The following MED25 variants were observed in gnomAD, a reference collection of about 807,000 sequenced individuals.
MED25 encodes the protein mediator of RNA polymerase II transcription subunit 25.
In MED25, 62 loss-of-function variants were observed where a neutral mutation model predicts 89.4. The ratio of observed to expected loss-of-function variants is 0.69; its 90% CI spans 0.57 to 0.86. The LOEUF (loss-of-function observed/expected upper bound fraction) is 0.86, where lower values mean the gene tolerates loss of function less well. MED25 is among the 40% of genes least tolerant of loss of function. The probability of loss-of-function intolerance (pLI) is 0.00; values close to 1 mark genes in which losing one functional copy is unlikely to be tolerated. For missense variants in MED25, 905 were observed against 1,005.2 expected (o/e 0.90, Z 1.35); for synonymous variants, 449 against 427.9 (o/e 1.05, Z -0.61).
Position 49,834,018 on chromosome 19 carries a change from A to C in MED25, c.1483-968A>C, listed in dbSNP as rs2074078131. 6.6e-6 allele frequency: 1 copy of C among 152,248 alleles called. No homozygotes were observed. The highest frequency in any genetic ancestry group is 2.1e-4 in the South Asian group (1 of 4,834). The allele number at this position is 152,248 out of a possible 1,614,324, so 9.4% of individuals were successfully genotyped here. ...TTCTCTTGGCCTCTCCTTTATAGTC[A>C]CAAGGTAGCTCTCATGGCTCCACGC... is the stretch of plus-strand genomic sequence containing the variant. On this transcript the variant is annotated intron_variant, in intron 13 of 17. Transcript: ENST00000312865. The surrounding 1 kb of genome is among the most constrained non-coding windows in gnomAD (Gnocchi z 4.1).
intron 3 of MED25, among the ~76,000 whole-genome samples, chr19:49,823,571 G>A (rs918853629): frequency 6.6e-6 from 1 of 152,182 alleles, no homozygotes; most frequent in African/African-American, 2.4e-5. Context: ...GTTGCTTGCT[G>A]TGTGTCGCTT....
rs2074042776 is a variant in MED25, at chr19:49,830,030, C to A, written c.689-58C>A. On this transcript the variant is annotated intron_variant, in intron 6 of 17. Coordinates refer to ENST00000312865, the MANE Select transcript of MED25 (RefSeq NM_030973.4). The surrounding 1 kb of genome is among the most constrained non-coding windows in gnomAD (Gnocchi z 4.6). ...TCTGACTTGGATTTTGGATTTCTCT[C>A]CTTTCTCTGCATCTTGAATCCCTTC... 1 of 1,597,502 alleles carries A rather than the reference C, an allele frequency of 6.3e-7. No individual in the cohort carries two copies. Among genetic ancestry groups the A allele is most frequent in the South Asian group, 1.1e-5 (1 of 90,336 alleles).
In MED25 at chr19:49,818,434, C is replaced by T. The variant is rs61742955; in HGVS notation, c.93C>T (p.Tyr31=). The change falls in exon 1 of 18, where the codon TAC becomes TAT. Residue 31 remains tyrosine (Y), a synonymous_variant. Transcript: ENST00000312865. Reference sequence around the variant, plus strand: ...AGGGTACGGCCAACCTGGGACCCTACTTCGAGGGGCTCCGCAAGCACTACC... The same window carrying T: ...AGGGTACGGCCAACCTGGGACCCTATTTCGAGGGGCTCCGCAAGCACTACC... The part of the protein sequence containing the change: ...VIEGTANLGP[Y]FEGLRKHYLL... 1,182 of 1,614,140 alleles carry T rather than the reference C, an allele frequency of 7.3e-4. 5 individuals are homozygous for T. In the African/African-American group the frequency reaches 0.014, roughly 19 times the overall value.
intron 13 of MED25, 130 bp downstream of exon 13, chr19:49,832,545 T>G (rs1253806564): frequency 1.4e-6 from 1 of 693,274 alleles, no homozygotes; most frequent in Non-Finnish European, 2.6e-6. Flanking sequence ...TTCATGCCCT[T>G]AGGTTCCTCG....
At chr19:49,837,636 G>T (rs937207619), downstream of MED25, among the ~76,000 whole-genome samples, 1 of 152,146 alleles carries the variant, frequency 6.6e-6, no homozygotes, top group African/African-American at 2.4e-5. Flanking sequence ...TCGGGGGCTG[G>T]GGTAGAGGTT....
chr19:49,818,423 C>T lies in MED25; in HGVS notation c.82C>T (p.Leu28=). The change falls in exon 1 of 18, where the codon CTG becomes TTG. Residue 28 remains leucine, a synonymous_variant. Transcript: ENST00000312865. ...GTTTGTGATTGAGGGTACGGCCAAC[C>T]TGGGACCCTACTTCGAGGGGCTCCG... is the stretch of plus-strand genomic sequence containing the variant. ...VVFVIEGTAN[L]GPYFEGLRKH... 1 of 1,614,110 alleles carries T rather than the reference C, an allele frequency of 6.2e-7. No individual in the cohort carries two copies. The highest frequency in any genetic ancestry group is 8.5e-7 in the Non-Finnish European group (1 of 1,180,020).
In MED25 at chr19:49,830,150, G is replaced by A. The variant is rs775622130; in HGVS notation, c.751G>A (p.Ala251Thr). Residue 251 changes from alanine to threonine, a missense_variant, in exon 7 of 18, where the codon GCA (alanine) becomes ACA (threonine). Coordinates refer to ENST00000312865, the MANE Select transcript of MED25 (RefSeq NM_030973.4). The surrounding 1 kb of genome is among the most constrained non-coding windows in gnomAD (Gnocchi z 4.6). ...GCAGCCAGTCCCCCTGCCTCCCGCC[G>A]CACCCTCAGGTGCCACTCTCTCAGC... ...SKQPVPLPPAAPSGATLSAAP... is the reference protein window; with the variant it reads ...SKQPVPLPPATPSGATLSAAP... The A allele has an allele frequency of 4.7e-5, 76 of 1,602,084 alleles. No homozygotes were observed. The highest frequency in any genetic ancestry group is 5.9e-5 in the Non-Finnish European group (69 of 1,171,698).
chr19:49,835,914 A>G lies in MED25; in HGVS notation c.1934A>G (p.Gln645Arg), dbSNP rs1425868838. The G allele has an allele frequency of 1.2e-6, 2 of 1,612,652 alleles. No homozygotes were observed. The highest frequency in any genetic ancestry group is 3.3e-5 in the Admixed American group (2 of 60,004). Residue 645 changes from glutamine to arginine, a missense_variant, in exon 16 of 18, where the codon CAG becomes CGG. Physicochemically the swap from Gln to Arg is conservative, Grantham distance 43. Around this residue, in one of 3 missense-constraint regions of MED25, gnomAD observed 271 missense variants for 258.1 expected, o/e 1.05. Coordinates refer to ENST00000312865, the MANE Select transcript of MED25 (RefSeq NM_030973.4). This position sits in a 1 kb window ranked among gnomAD's most constrained non-coding sequence, Gnocchi z 6.2. ...LRPQNPGANP[Q>R]LRSLLLNPPP... ...CCCCAGAACCCTGGGGCCAACCCTC[A>G]GCTGCGAAGCCTCCTCCTCAACCCA...
intron 3 of MED25, among the ~76,000 whole-genome samples, chr19:49,820,321 C>T (rs745381461): frequency 6.6e-6 from 1 of 152,186 alleles, no homozygotes; most frequent in Non-Finnish European, 1.5e-5. Flanking sequence ...AGCAGGGATA[C>T]AGAGGCAGAA....
At position 49,835,004 on chromosome 19, in the gene MED25, C is replaced by T. The variant is rs2074084894; in HGVS notation, c.1501C>T (p.Pro501Ser). The change falls in exon 14 of 18, where the codon CCC becomes TCC. Residue 501 changes from proline (P) to serine (S), a missense_variant. Pro to Ser is a moderately conservative substitution (Grantham distance 74, BLOSUM62 -1). Coordinates refer to ENST00000312865, the MANE Select transcript of MED25 (RefSeq NM_030973.4). The surrounding 1 kb of genome is among the most constrained non-coding windows in gnomAD (Gnocchi z 6.2). Reference protein sequence around the residue: ...GNGFAGCVHFPHTAPCEVRVL... With the variant: ...GNGFAGCVHFSHTAPCEVRVL... ...CACCCAGGCGGGCTGCGTGCACTTC[C>T]CCCACACGGCGCCCTGTGAGGTGCG... 3 of 1,614,114 alleles carry T rather than the reference C, an allele frequency of 1.9e-6. No homozygotes were observed. The highest frequency in any genetic ancestry group is 2.5e-6 in the Non-Finnish European group (3 of 1,180,014).
chr19:49,828,595 C>T, intron 4 of MED25, 48 bp downstream of exon 4: 1 of 1,455,326 alleles, frequency 6.9e-7, no homozygotes, highest in Non-Finnish European at 9.7e-7. Flanking sequence ...TCTGCCTGGC[C>T]TGGAACCACT....
Position 49,830,956 on chromosome 19 carries a change from T to A in MED25, c.1101+69T>A, listed in dbSNP as rs1391187055. 1 of 1,492,454 alleles carries A rather than the reference T, an allele frequency of 6.7e-7. No individual in the cohort carries two copies. The highest frequency in any genetic ancestry group is 2.2e-5 in the East Asian group (1 of 44,480). The allele number at this position is 1,492,454 out of a possible 1,614,324, so 92.5% of individuals were successfully genotyped here. A position where few individuals can be genotyped will look rare whatever the true frequency, so the allele number is the denominator to read the frequency against. On this transcript the variant is annotated intron_variant, in intron 9 of 17. Coordinates refer to ENST00000312865, the MANE Select transcript of MED25 (RefSeq NM_030973.4). This position sits in a 1 kb window ranked among gnomAD's most constrained non-coding sequence, Gnocchi z 4.6. ...GTCCACAGCTAGGACAGTTAGAGGA[T>A]GAGTCATTTGCCTTCCAGGGGGATG...
chr19:49,828,194 A>G (rs1444237621), intron 3 of MED25, among the ~76,000 whole-genome samples: 1 of 151,460 alleles, frequency 6.6e-6, no homozygotes, highest in African/African-American at 2.4e-5. Context: ...ATGCCACTGC[A>G]TTCCAGCCTG....
chr19:49,818,820 T>A, intron 2 of MED25: 1 of 611,210 alleles, frequency 1.6e-6, no homozygotes, highest in Non-Finnish European at 2.9e-6. Flanking sequence ...CCCGGATTCC[T>A]GGGTCCGAGG....
In MED25 at chr19:49,836,035, G is replaced by C. The variant is rs2074095363; in HGVS notation, c.1965+90G>C. 6.4e-7 allele frequency: 1 copy of C among 1,562,394 alleles called. No individual in the cohort carries two copies. Among genetic ancestry groups the C allele is most frequent in the Non-Finnish European group, 8.7e-7 (1 of 1,155,388 alleles). On this transcript the variant is annotated intron_variant, in intron 16 of 17. Coordinates refer to ENST00000312865, the MANE Select transcript of MED25 (RefSeq NM_030973.4). This position sits in a 1 kb window ranked among gnomAD's most constrained non-coding sequence, Gnocchi z 5.1. ...TCTGGGAGGAGGGAGGTTGACTGTGGTCAGTGGGTGTGAATGGGGACCCGC... is the reference window on the plus strand; with the variant it reads ...TCTGGGAGGAGGGAGGTTGACTGTGCTCAGTGGGTGTGAATGGGGACCCGC...
rs540575355 is a variant in MED25, at chr19:49,819,434, G to T, written c.305+138G>T. The T allele has an allele frequency of 6.6e-6, 6 of 909,448 alleles. No homozygotes were observed. In the African/African-American group the frequency reaches 8.4e-5, roughly 13 times the overall value. The allele number at this position is 909,448 out of a possible 1,614,324, so 56.3% of individuals were successfully genotyped here. ...GGGGTGGTTGGTGTCCCCGTGAGGG[G>T]CTGTGAATAAGTAATGGCTTGGGGT... is the stretch of plus-strand genomic sequence containing the variant. On this transcript the variant is annotated intron_variant, in intron 3 of 17. Transcript: ENST00000312865.
At chr19:49,825,965 T>C (rs1395888949) in intron 3 of MED25, among the ~76,000 whole-genome samples, 3 of 151,910 alleles carry the variant, frequency 2.0e-5, no homozygotes, top group Non-Finnish European at 2.9e-5. Flanking sequence ...AAATATTGGC[T>C]TAATTTCACC....
downstream of MED25, chr19:49,837,035 G>A (rs2074104540): frequency 9.7e-7 from 1 of 1,028,458 alleles, no homozygotes; most frequent in African/African-American, 1.6e-5. Context: ...AAACCCCAGG[G>A]GGCATCTCTG....
chr19:49,836,917 G>A lies in MED25; in HGVS notation c.2217G>A (p.Glu739=), dbSNP rs2074103527. Residue 739 remains glutamate (E), a synonymous_variant, in exon 18 of 18, where the codon GAG becomes GAA. Coordinates refer to ENST00000312865, the MANE Select transcript of MED25 (RefSeq NM_030973.4). This position sits in a 1 kb window ranked among gnomAD's most constrained non-coding sequence, Gnocchi z 5.1. ...PQPGLQPSVM[E]DDILMDLI ...CGGGCCTGCAGCCCAGCGTCATGGA[G>A]GACGACATCCTCATGGATCTCATCT... 1.2e-6 allele frequency: 2 copies of A among 1,612,954 alleles called. No individual in the cohort carries two copies. The highest frequency in any genetic ancestry group is 1.3e-5 in the African/African-American group (1 of 74,928).
Sources: allele counts gnomAD v4.1 joint callset (sites outside exome capture counted in the v4.1 genomes callset), GRCh38; gene constraint gnomAD v4.1.1; regional missense constraint gnomAD v4.1.1; non-coding constraint Gnocchi (gnomAD v3.1); transcripts MANE v1.5; gene names NCBI Gene and HGNC (gene_info 2026-07-23, HGNC 2026-07-21).